SGPP2: variants seen among roughly 807,000 people sequenced by gnomAD.
SGPP2 encodes the protein sphingosine-1-phosphate phosphatase 2, also known as sphingosine 1-phosphate phosphohydrolase 2.
Under a neutral mutation model 33.9 loss-of-function variants are expected in SGPP2, and 30 were observed. The observed-to-expected ratio is 0.89, with a 90% confidence interval of 0.66 to 1.20. The LOEUF is 1.20. SGPP2 is among the 50% of genes most tolerant of loss of function. The pLI, the probability that SGPP2 is intolerant of heterozygous loss-of-function variation, is 0.00. For missense variants in SGPP2, 458 were observed against 532.1 expected (o/e 0.86, Z 1.37); for synonymous variants, 233 against 225.0 (o/e 1.04, Z -0.32).
At chr2:222,551,384 G>T (rs1340959270) in intron 4 of SGPP2, among the ~76,000 whole-genome samples, 2 of 151,986 alleles carry the variant, frequency 1.3e-5, no homozygotes, top group Non-Finnish European at 2.9e-5. Flanking sequence ...AAAATAAAAA[G>T]AACAGATCCA....
At chr2:222,487,602 G>C (rs1698131161) in intron 2 of SGPP2, among the ~76,000 whole-genome samples, 1 of 152,138 alleles carries the variant, frequency 6.6e-6, no homozygotes. Context: ...CCTCACTAGA[G>C]AAGACACCAG....
intron 1 of SGPP2, among the ~76,000 whole-genome samples, chr2:222,473,007 C>T (rs944575041): frequency 1.3e-5 from 2 of 151,960 alleles, no homozygotes; most frequent in African/African-American, 2.4e-5. Context: ...GAGCGAGACT[C>T]GGTCTCAAAA....
At chr2:222,505,067 A>G (rs529630969) in intron 2 of SGPP2, among the ~76,000 whole-genome samples, 1 of 152,248 alleles carries the variant, frequency 6.6e-6, no homozygotes, top group Non-Finnish European at 1.5e-5. Context: ...CAAAGAATTT[A>G]TACAAAAGTT....
chr2:222,474,048 A>G lies in SGPP2; in HGVS notation c.220-520A>G, dbSNP rs564625271. ...CCTGACTGATCATTATGTGTTATAC[A>G]TATGTATAAAAATATTACATGTGCC... On this transcript the variant is annotated intron_variant, in intron 1 of 4. Coordinates refer to ENST00000321276, the MANE Select transcript of SGPP2 (RefSeq NM_152386.4). 1.5e-4 allele frequency among the ~76,000 whole-genome samples: 23 copies of G among 152,368 alleles called. No individual in the cohort carries two copies. The South Asian group carries it at 4.8e-3, about 32-fold the overall frequency.
chr2:222,555,602 G>A (rs915211478), intron 4 of SGPP2, among the ~76,000 whole-genome samples: 4 of 152,162 alleles, frequency 2.6e-5, no homozygotes, highest in Non-Finnish European at 4.4e-5. Context: ...GGATTTGAGA[G>A]GCACACTGAT....
intron 2 of SGPP2, among the ~76,000 whole-genome samples, chr2:222,503,229 T>A (rs1444114821): frequency 6.6e-6 from 1 of 152,212 alleles, no homozygotes; most frequent in Non-Finnish European, 1.5e-5. Flanking sequence ...AGAGCGTTGT[T>A]GCTAAGGACG....
chr2:222,529,946 G>A (rs930219377), intron 4 of SGPP2, among the ~76,000 whole-genome samples: 3 of 152,194 alleles, frequency 2.0e-5, no homozygotes, highest in African/African-American at 7.2e-5. Context: ...TCCCTGGGCT[G>A]TGGAATGGAT....
At chr2:222,524,794 A>T in intron 3 of SGPP2, 150 bp from the exon 4 acceptor site, 1 of 622,256 alleles carries the variant, frequency 1.6e-6, no homozygotes, top group Non-Finnish European at 2.8e-6. Flanking sequence ...GTTTAAAAAA[A>T]AGTTTTAAGT....
intron 2 of SGPP2, among the ~76,000 whole-genome samples, chr2:222,515,813 C>A (rs906719377): frequency 6.6e-6 from 1 of 152,006 alleles, no homozygotes; most frequent in African/African-American, 2.4e-5. Flanking sequence ...CCAAGGCAGG[C>A]GGATCACCTG....
chr2:222,464,457 G>A (rs1044592879), intron 1 of SGPP2, among the ~76,000 whole-genome samples: 1 of 152,158 alleles, frequency 6.6e-6, no homozygotes, highest in African/African-American at 2.4e-5. Flanking sequence ...CTAAGCAAAT[G>A]CTGTGTCCTT....
intron 2 of SGPP2, among the ~76,000 whole-genome samples, chr2:222,507,178 G>A (rs1304548212): frequency 6.6e-6 from 1 of 152,180 alleles, no homozygotes; most frequent in African/African-American, 2.4e-5. Flanking sequence ...GAATTCAGCT[G>A]TTAGCGCAAA....
At chr2:222,434,313 T>A (rs1001112206) in intron 1 of SGPP2, among the ~76,000 whole-genome samples, 2 of 152,228 alleles carry the variant, frequency 1.3e-5, no homozygotes, top group African/African-American at 4.8e-5. Context: ...CACATAATAA[T>A]TGTATATGTT....
At chr2:222,510,607 A>C (rs1214107475) in intron 2 of SGPP2, among the ~76,000 whole-genome samples, 1 of 152,158 alleles carries the variant, frequency 6.6e-6, no homozygotes, top group South Asian at 2.1e-4. Context: ...AGGAAAAAAG[A>C]TATTGGGATC....
In SGPP2 at chr2:222,477,500, T is replaced by C. The variant is rs1697963784; in HGVS notation, c.378+2774T>C. 6.6e-6 allele frequency among the ~76,000 whole-genome samples: 1 copy of C among 151,920 alleles called. No individual in the cohort carries two copies. The highest frequency in any genetic ancestry group is 1.5e-5 in the Non-Finnish European group (1 of 67,948). On this transcript the variant is annotated intron_variant, in intron 2 of 4. Coordinates refer to ENST00000321276, the MANE Select transcript of SGPP2 (RefSeq NM_152386.4). This position sits in a 1 kb window ranked among gnomAD's most constrained non-coding sequence, Gnocchi z 6.0. ...GTGTGTATATAGGTGTGTATATATG[T>C]TTATGTGTATATATATGTCTGTGTA...
chr2:222,459,659 G>C (rs758781446), intron 1 of SGPP2, among the ~76,000 whole-genome samples: 13 of 152,218 alleles, frequency 8.5e-5, no homozygotes, highest in Admixed American at 2.0e-4. Flanking sequence ...GATTGAGAGA[G>C]AGAGAGACAG....
chr2:222,521,669 A>G (rs764905851), intron 2 of SGPP2, 98 bp from the exon 3 acceptor site: 44 of 1,339,046 alleles, frequency 3.3e-5, no homozygotes, highest in Admixed American at 5.2e-5. Flanking sequence ...GGAGCCTTCA[A>G]TCAACAACCT....
chr2:222,540,607 G>T (rs34463198), intron 4 of SGPP2, among the ~76,000 whole-genome samples: 1 of 151,730 alleles, frequency 6.6e-6, no homozygotes, highest in Admixed American at 6.6e-5. Flanking sequence ...GGAACGGTGC[G>T]CAGTAAATGT....
rs1689503228 is a variant in SGPP2 at position 222,559,766 on chromosome 2, A to G, written c.*868A>G. The stretch of plus-strand genomic sequence containing the variant: ...CACTGTGCCCGGCCTCCTCCTTGTT[A>G]TGATCAAATTAGACTGTGCCTGGTT... On this transcript the variant is annotated 3_prime_UTR_variant, in exon 5 of 5. Coordinates refer to ENST00000321276, the MANE Select transcript of SGPP2 (RefSeq NM_152386.4). 1 of 152,398 alleles carries G rather than the reference A, an allele frequency of 6.6e-6. No homozygotes were observed. The highest frequency in any genetic ancestry group is 2.4e-5 in the African/African-American group (1 of 41,438). The allele number at this position is 152,398 out of a possible 1,614,324, so 9.4% of individuals were successfully genotyped here.
chr2:222,512,472 A>G (rs1698544279), intron 2 of SGPP2, among the ~76,000 whole-genome samples: 1 of 152,112 alleles, frequency 6.6e-6, no homozygotes, highest in African/African-American at 2.4e-5. Flanking sequence ...ATGGCCCTAC[A>G]TTGACATATC....
Sources: gnomAD v4.1 joint callset for allele counts (sites outside exome capture counted in the v4.1 genomes callset) on GRCh38, gnomAD v4.1.1 for gene constraint, Gnocchi (gnomAD v3.1) non-coding constraint, MANE v1.5 for transcripts, NCBI Gene and HGNC (gene_info 2026-07-23, HGNC 2026-07-21) for gene names.